The following PDE4C variants were observed in gnomAD, a reference collection of about 807,000 sequenced individuals.
PDE4C encodes 3',5'-cyclic-AMP phosphodiesterase 4C.
In PDE4C, 50 loss-of-function variants were observed where a neutral mutation model predicts 63.9. That is an observed-to-expected ratio of 0.78 (90% CI 0.62 to 0.99). The LOEUF (loss-of-function observed/expected upper bound fraction) is 0.99. PDE4C is among the 50% of genes least tolerant of loss of function. The probability of loss-of-function intolerance (pLI) is 0.00; values close to 1 mark genes in which losing one functional copy is unlikely to be tolerated. For synonymous variants in PDE4C, 377 were observed against 385.1 expected (o/e 0.98, Z 0.25); for missense variants, 777 against 899.1 (o/e 0.86, Z 1.74).
upstream of PDE4C, among the ~76,000 whole-genome samples, chr19:18,227,669 C>T (rs1214674615): frequency 3.3e-5 from 5 of 152,190 alleles, no homozygotes; most frequent in South Asian, 2.1e-4. Context: ...TAGAAACAGC[C>T]ATGTCACAGG....
intron 12 of PDE4C, among the ~76,000 whole-genome samples, chr19:18,216,317 G>A (rs1355006571): frequency 6.6e-6 from 1 of 150,430 alleles, no homozygotes; most frequent in African/African-American, 2.4e-5. Flanking sequence ...GGAGTGCAGT[G>A]GTGCGATCTC....
chr19:18,219,778 G>T, intron 7 of PDE4C: 2 of 225,642 alleles, frequency 8.9e-6, no homozygotes, highest in Non-Finnish European at 1.7e-5. Context: ...GGCTGAGATT[G>T]CACCACTGCA....
chr19:18,252,369 G>C (rs755635955), upstream of PDE4C: 1 of 399,098 alleles, frequency 2.5e-6, no homozygotes, highest in Admixed American at 4.4e-5. Context: ...GCTGGAGTAG[G>C]ATTTGGGGGG....
chr19:18,220,195 G>A lies in PDE4C; in HGVS notation c.706+31C>T. 4 of 1,533,848 alleles carry A rather than the reference G, an allele frequency of 2.6e-6. No homozygotes were observed. Among genetic ancestry groups the A allele is most frequent in the Non-Finnish European group, 1.8e-6 (2 of 1,107,452 alleles). ...TTTTGTTTCTTAGTACTCCTAAAAT[G>A]TCGTCCAGGCAGTGACTCAACAAAG... On this transcript the variant is annotated intron_variant, in intron 7 of 14. Transcript: ENST00000262805. This position sits in a 1 kb window ranked among gnomAD's most constrained non-coding sequence, Gnocchi z 5.1.
intron 1 of PDE4C, among the ~76,000 whole-genome samples, chr19:18,244,729 C>T (rs989597045): frequency 6.6e-6 from 1 of 152,024 alleles, no homozygotes; most frequent in Non-Finnish European, 1.5e-5. Context: ...TCAGGCTGGT[C>T]TCAAACTCAC....
At chr19:18,219,197 C>A in intron 8 of PDE4C, 37 bp downstream of exon 8, 3 of 1,613,698 alleles carry the variant, frequency 1.9e-6, no homozygotes, top group South Asian at 2.2e-5. Context: ...GAGCCAGGGA[C>A]CAAACCTTGA....
intron 7 of PDE4C, 193 bp from the exon 8 acceptor site, chr19:18,219,590 G>A (rs905428263): frequency 3.2e-5 from 19 of 602,138 alleles, no homozygotes; most frequent in South Asian, 4.3e-5. Context: ...TTGGGAGGTC[G>A]AGGTGGGCAG....
upstream of PDE4C, among the ~76,000 whole-genome samples, chr19:18,230,448 G>A (rs1199048522): frequency 6.6e-6 from 1 of 152,186 alleles, no homozygotes; most frequent in Non-Finnish European, 1.5e-5. Context: ...AGGTTGCAGT[G>A]AGACAAGATT....
chr19:18,224,008 C>A (rs973099266), intron 1 of PDE4C, among the ~76,000 whole-genome samples: 1 of 152,192 alleles, frequency 6.6e-6, no homozygotes, highest in African/African-American at 2.4e-5. Flanking sequence ...CCCTAGGCTC[C>A]CCCACTCCTC....
exon 1 of PDE4C, chr19:18,233,516 G>A (rs1384758616): frequency 3.3e-6 from 2 of 602,166 alleles, no homozygotes; most frequent in East Asian, 3.6e-5. Flanking sequence ...CTATAGCGCT[G>A]CATGGAAAAG....
intron 1 of PDE4C, among the ~76,000 whole-genome samples, chr19:18,247,107 G>A (rs547532351): frequency 9.4e-4 from 143 of 152,280 alleles, no homozygotes; most frequent in Non-Finnish European, 1.7e-3. Flanking sequence ...GCTCAGGCCC[G>A]GGGGCAGCCA....
intron 4 of PDE4C, 53 bp downstream of exon 4, chr19:18,221,052 G>GCCAGGCCCCGCCCCACCCCT: frequency 2.4e-6 from 3 of 1,245,310 alleles, no homozygotes; most frequent in Non-Finnish European, 3.4e-6. Context: ...CCCGCTTTCC[G>GCCAGGCCCCGCCCCACCCCT]CCCACCTTGT....
In PDE4C at chr19:18,233,095, A is replaced by AC; in HGVS notation, c.96dup (p.Trp33ValfsTer51). 6.4e-7 allele frequency: 1 copy of AC among 1,570,880 alleles called. No homozygotes were observed. Among genetic ancestry groups the AC allele is most frequent in the Non-Finnish European group, 8.6e-7 (1 of 1,158,424 alleles). On this transcript the variant is annotated frameshift_variant, in exon 1 of 15. Coordinates refer to the PDE4C transcript ENST00000594465. LOFTEE classifies it high-confidence loss of function. Reference sequence around the variant, plus strand: ...CGGATGGGGCGCCGGGGTTGCCGCCACAGGTGCTTCGGGGCTCTGGTCATG... The same window carrying AC: ...CGGATGGGGCGCCGGGGTTGCCGCCACCAGGTGCTTCGGGGCTCTGGTCATG...
chr19:18,241,404 T>C (rs1359611892), intron 1 of PDE4C, among the ~76,000 whole-genome samples: 31 of 151,538 alleles, frequency 2.0e-4, no homozygotes, highest in African/African-American at 7.3e-4. Flanking sequence ...GTAGCCGGGA[T>C]TACAGGCACC....
intron 12 of PDE4C, among the ~76,000 whole-genome samples, chr19:18,213,887 G>T (rs972017328): frequency 1.3e-5 from 2 of 152,174 alleles, no homozygotes; most frequent in Non-Finnish European, 2.9e-5. Context: ...CCAGCCTCCA[G>T]ATCTTTAGCC....
intron 1 of PDE4C, among the ~76,000 whole-genome samples, chr19:18,244,983 G>A (rs1031901714): frequency 3.3e-5 from 5 of 151,624 alleles, no homozygotes; most frequent in Non-Finnish European, 4.4e-5. Flanking sequence ...CTGCAGGCGC[G>A]TGCCACCATG....
chr19:18,246,819 C>T (rs925859881), intron 1 of PDE4C, among the ~76,000 whole-genome samples: 6 of 152,062 alleles, frequency 3.9e-5, no homozygotes, highest in African/African-American at 1.4e-4. Flanking sequence ...TCCAGCTGCT[C>T]GGGAAGCTGA....
Position 18,220,341 on chromosome 19 carries a change from G to A in PDE4C, c.613-22C>T, listed in dbSNP as rs369902400. On this transcript the variant is annotated intron_variant, in intron 6 of 14. Coordinates refer to ENST00000262805, the Ensembl canonical transcript of PDE4C. This position sits in a 1 kb window ranked among gnomAD's most constrained non-coding sequence, Gnocchi z 5.1. ...TGAACTGGGGCGGAGAGAAGGTGAA[G>A]ACCGTGATGATGGGGCACCGTGGGC... 3 of 1,613,532 alleles carry A rather than the reference G, an allele frequency of 1.9e-6. No homozygotes were observed. The African/African-American group carries it at 4.0e-5, about 22-fold the overall frequency.
chr19:18,213,906 C>G (rs1300250054), intron 12 of PDE4C, among the ~76,000 whole-genome samples: 1 of 152,196 alleles, frequency 6.6e-6, no homozygotes, highest in Non-Finnish European at 1.5e-5. Flanking sequence ...CCACGTTGTT[C>G]CCTCTGCCTG....
Sources: allele counts gnomAD v4.1 joint callset (sites outside exome capture counted in the v4.1 genomes callset), GRCh38; gene constraint gnomAD v4.1.1; non-coding constraint Gnocchi (gnomAD v3.1); transcripts MANE v1.5; gene names NCBI Gene and HGNC (gene_info 2026-07-23, HGNC 2026-07-21).